NHSL1: variants seen among roughly 807,000 people sequenced by gnomAD.
NHSL1 encodes the protein NHS-like protein 1.
NHSL1 carries 48 observed loss-of-function variants against 95.0 expected under a neutral mutation model. That is an observed-to-expected ratio of 0.51 (90% CI 0.40 to 0.64). The LOEUF is 0.64. Ranked by LOEUF, NHSL1 falls within the 30% of genes least tolerant of loss-of-function variation. The pLI is 0.00. For synonymous variants in NHSL1, 783 were observed against 833.9 expected (o/e 0.94, Z 1.05); for missense variants, 1,971 against 2,077.7 (o/e 0.95, Z 1.00).
At chr6:138,600,520 A>T (rs763507693) in intron 1 of NHSL1, among the ~76,000 whole-genome samples, 4 of 152,234 alleles carry the variant, frequency 2.6e-5, no homozygotes, top group Non-Finnish European at 5.9e-5. Flanking sequence ...ATGCTTTTAA[A>T]CTTTTATTTT....
intron 1 of NHSL1, among the ~76,000 whole-genome samples, chr6:138,561,574 T>C (rs886109306): frequency 2.0e-5 from 3 of 152,212 alleles, no homozygotes; most frequent in Non-Finnish European, 4.4e-5. Flanking sequence ...CATTTTCACA[T>C]TGACTTTGGG....
chr6:138,472,829 C>T (rs1778837565), intron 3 of NHSL1, among the ~76,000 whole-genome samples: 1 of 152,174 alleles, frequency 6.6e-6, no homozygotes, highest in Non-Finnish European at 1.5e-5. Flanking sequence ...TGCACTTCTT[C>T]TATTCTGTCT....
At chr6:138,476,439 C>A (rs1482425884) in intron 2 of NHSL1, among the ~76,000 whole-genome samples, 1 of 152,016 alleles carries the variant, frequency 6.6e-6, no homozygotes, top group Non-Finnish European at 1.5e-5. Context: ...TAGTGGGAAC[C>A]AAACAATTGG....
At chr6:138,672,238 G>A (rs1785382317) in intron 1 of NHSL1, among the ~76,000 whole-genome samples, 1 of 151,982 alleles carries the variant, frequency 6.6e-6, no homozygotes, top group African/African-American at 2.4e-5. Flanking sequence ...ACAACCATTG[G>A]GGAAAAAGTC....
At chr6:138,668,430 C>A (rs977870296) in intron 1 of NHSL1, among the ~76,000 whole-genome samples, 1 of 151,672 alleles carries the variant, frequency 6.6e-6, no homozygotes, top group African/African-American at 2.4e-5. Flanking sequence ...CCAACAAGAG[C>A]GAAACTCCAT....
chr6:138,645,503 C>CT (rs1785006685), intron 1 of NHSL1, among the ~76,000 whole-genome samples: 1 of 148,390 alleles, frequency 6.7e-6, no homozygotes, highest in Admixed American at 6.7e-5. Context: ...TAGTGTTTTT[C>CT]TTTTTTCTTT....
Position 138,423,958 on chromosome 6 carries a change from G to C in NHSL1, c.*123C>G, listed in dbSNP as rs1008310081. On this transcript the variant is annotated 3_prime_UTR_variant, in exon 8 of 8. Transcript: ENST00000343505. ...ACACTGCAGGGCTGGCAACCCCGGG[G>C]CCCACAGCACAGAAGCAGAGTGGGC... is the stretch of plus-strand genomic sequence containing the variant. 1.5e-5 allele frequency: 16 copies of C among 1,037,926 alleles called. No individual in the cohort carries two copies. The African/African-American group carries it at 2.3e-4, about 15-fold the overall frequency. The allele number at this position is 1,037,926 out of a possible 1,614,324, so 64.3% of individuals were successfully genotyped here. A position where few individuals can be genotyped will look rare whatever the true frequency, so the allele number is the denominator to read the frequency against.
At chr6:138,581,516 AC>A (rs1244050407) in intron 1 of NHSL1, among the ~76,000 whole-genome samples, 1 of 151,582 alleles carries the variant, frequency 6.6e-6, no homozygotes, top group Non-Finnish European at 1.5e-5. Context: ...ACATGGTGAA[AC>A]CCCGTCTCTA....
At position 138,499,321 on chromosome 6, in the gene NHSL1, G is replaced by T. The variant is rs1461271474; in HGVS notation, c.-31C>A. The T allele has an allele frequency of 6.5e-7, 1 of 1,549,240 alleles. No individual in the cohort carries two copies. The highest frequency in any genetic ancestry group is 8.7e-7 in the Non-Finnish European group (1 of 1,145,526). ...GGGCACCTACATAGAGCTTAGAAAT[G>T]TAAATCACATTAAAAGCTCAGCCCA... is the stretch of plus-strand genomic sequence containing the variant. On this transcript the variant is annotated 5_prime_UTR_variant, in exon 1 of 8. Coordinates refer to ENST00000343505, the MANE Select transcript of NHSL1 (RefSeq NM_001144060.2).
chr6:138,429,302 ACATC>A (rs1294888238), intron 7 of NHSL1, among the ~76,000 whole-genome samples: 2 of 152,184 alleles, frequency 1.3e-5, no homozygotes, highest in Non-Finnish European at 2.9e-5. Context: ...ATAAACTAAA[ACATC>A]TTTAGGAAGA....
At position 138,498,474 on chromosome 6, in the gene NHSL1, C is replaced by T. The variant is rs9484164; in HGVS notation, c.58+759G>A. On this transcript the variant is annotated intron_variant, in intron 1 of 7. Transcript: ENST00000343505. The stretch of plus-strand genomic sequence containing the variant: ...GCTCTTTGTAGCTTTCTCCAAAGCT[C>T]CTCTTACCAATGCCCCTACCCATGT... 6.7e-3 allele frequency among the ~76,000 whole-genome samples: 1,017 copies of T among 152,278 alleles called. 8 individuals are homozygous for T. The highest frequency in any genetic ancestry group is 0.022 in the African/African-American group (905 of 41,548).
At chr6:138,565,942 C>T (rs1211645309) in intron 1 of NHSL1, among the ~76,000 whole-genome samples, 1 of 121,758 alleles carries the variant, frequency 8.2e-6, no homozygotes, top group Non-Finnish European at 1.6e-5. Context: ...GACCCTGTTT[C>T]TAAAAAAAAA....
intron 1 of NHSL1, among the ~76,000 whole-genome samples, chr6:138,582,806 A>G (rs1425462488): frequency 6.6e-6 from 1 of 151,990 alleles, no homozygotes; most frequent in Admixed American, 6.6e-5. Context: ...AACATTTCTC[A>G]TCTTTTCCAC....
intron 1 of NHSL1, among the ~76,000 whole-genome samples, chr6:138,551,881 C>A (rs1783018093): frequency 6.6e-6 from 1 of 152,174 alleles, no homozygotes; most frequent in Non-Finnish European, 1.5e-5. Context: ...TTACTCCACT[C>A]CAGAGCCAGG....
At chr6:138,441,628 T>C (rs1776528992) in intron 5 of NHSL1, among the ~76,000 whole-genome samples, 1 of 152,216 alleles carries the variant, frequency 6.6e-6, no homozygotes, top group Non-Finnish European at 1.5e-5. Flanking sequence ...TAGAATGACT[T>C]CTGTTTCATG....
chr6:138,688,714 C>T (rs2114802622), intron 1 of NHSL1, among the ~76,000 whole-genome samples: 1 of 152,082 alleles, frequency 6.6e-6, no homozygotes, highest in Middle Eastern at 3.4e-3. Context: ...TTCTGCTTAG[C>T]AAAGTCTGTT....
chr6:138,506,684 A>G (rs1780978828), intron 1 of NHSL1, among the ~76,000 whole-genome samples: 1 of 152,228 alleles, frequency 6.6e-6, no homozygotes, highest in African/African-American at 2.4e-5. Flanking sequence ...CTAAGGTCAT[A>G]GAATAGTAAG....
At chr6:138,535,184 A>G (rs1782285976) in intron 1 of NHSL1, among the ~76,000 whole-genome samples, 1 of 152,144 alleles carries the variant, frequency 6.6e-6, no homozygotes, top group Admixed American at 6.5e-5. Context: ...AGCAGTTTAG[A>G]TGGTAAGAGG....
At chr6:138,571,208 C>T (rs567824119) in intron 1 of NHSL1, among the ~76,000 whole-genome samples, 7 of 152,288 alleles carry the variant, frequency 4.6e-5, no homozygotes, top group South Asian at 2.1e-4. Flanking sequence ...AAGCCCCTTG[C>T]GTGTTCATTT....
Sources: gnomAD v4.1 joint callset for allele counts (sites outside exome capture counted in the v4.1 genomes callset) on GRCh38, gnomAD v4.1.1 for gene constraint, MANE v1.5 for transcripts, NCBI Gene and HGNC (gene_info 2026-07-23, HGNC 2026-07-21) for gene names.